Variants in GSE1 observed in about 807,000 individuals in gnomAD.
GSE1 encodes Gse1 coiled-coil protein, also known as genetic suppressor element 1.
In GSE1, 32 loss-of-function variants were observed where a neutral mutation model predicts 112.6. The ratio of observed to expected loss-of-function variants is 0.28; its 90% CI spans 0.21 to 0.38. The LOEUF is 0.38. Ranked by LOEUF, GSE1 falls within the 10% of genes least tolerant of loss-of-function variation. The probability of loss-of-function intolerance (pLI) is 1.00; values close to 1 mark genes in which losing one functional copy is unlikely to be tolerated. For missense variants in GSE1, 2,348 were observed against 1,699.2 expected (o/e 1.38, Z -6.71); for synonymous variants, 1,115 against 735.6 (o/e 1.52, Z -8.35).
chr16:85,667,728 A>T (rs1461247498), intron 13 of GSE1, among the ~76,000 whole-genome samples: 1 of 152,192 alleles, frequency 6.6e-6, no homozygotes, highest in African/African-American at 2.4e-5. Flanking sequence ...GCATGGTGGC[A>T]CATGCGTGTA....
At chr16:85,391,096 C>A (rs150714318) in intron 2 of GSE1, among the ~76,000 whole-genome samples, 2 of 152,312 alleles carry the variant, frequency 1.3e-5, no homozygotes, top group East Asian at 3.9e-4. Flanking sequence ...CGCCCCCCCA[C>A]CGCCCCAGCT....
chr16:85,538,493 C>T (rs1426978573), intron 2 of GSE1, among the ~76,000 whole-genome samples: 1 of 152,218 alleles, frequency 6.6e-6, no homozygotes. Flanking sequence ...CTGGCATGTA[C>T]CGTCTTGTCG....
chr16:85,572,115 A>AC (rs2046010848), intron 1 of GSE1, among the ~76,000 whole-genome samples: 2 of 147,030 alleles, frequency 1.4e-5, no homozygotes, highest in Admixed American at 6.8e-5. Context: ...CACCACACAC[A>AC]ACGCACACAC....
chr16:85,479,893 T>C (rs1273639071), intron 2 of GSE1, among the ~76,000 whole-genome samples: 2 of 152,202 alleles, frequency 1.3e-5, no homozygotes, highest in African/African-American at 4.8e-5. Context: ...CTTATAGTTC[T>C]GCAGCATCGA....
intron 1 of GSE1, among the ~76,000 whole-genome samples, chr16:85,343,382 G>A (rs1360355938): frequency 6.6e-6 from 1 of 152,068 alleles, no homozygotes; most frequent in Non-Finnish European, 1.5e-5. Flanking sequence ...GGTTGCCCTT[G>A]GAGGCTGGGT....
chr16:85,192,001 A>G (rs970913634), intron 1 of GSE1, among the ~76,000 whole-genome samples: 6 of 152,218 alleles, frequency 3.9e-5, no homozygotes, highest in Non-Finnish European at 4.4e-5. Context: ...TCCGAAGTCT[A>G]AGCTATTCAT....
chr16:85,475,551 T>C (rs1249682403), intron 2 of GSE1, among the ~76,000 whole-genome samples: 2 of 152,210 alleles, frequency 1.3e-5, no homozygotes, highest in East Asian at 3.9e-4. Flanking sequence ...CGATGCTGGC[T>C]CCAGCCTTCA....
At chr16:85,457,976 T>C (rs1051979971) in intron 2 of GSE1, among the ~76,000 whole-genome samples, 4 of 152,164 alleles carry the variant, frequency 2.6e-5, no homozygotes, top group Non-Finnish European at 5.9e-5. Context: ...AAGTAGCTAT[T>C]ATTGACCCCA....
intron 1 of GSE1, among the ~76,000 whole-genome samples, chr16:85,193,204 A>T (rs948836088): frequency 5.3e-5 from 8 of 152,188 alleles, no homozygotes; most frequent in African/African-American, 1.9e-4. Context: ...CTATTTCTCC[A>T]TTCATTCAAT....
At chr16:85,229,293 C>G (rs1037440075) in intron 1 of GSE1, among the ~76,000 whole-genome samples, 1 of 152,246 alleles carries the variant, frequency 6.6e-6, no homozygotes, top group African/African-American at 2.4e-5. Flanking sequence ...GGAGCCAGCT[C>G]TGGCCTTGGC....
At chr16:85,437,310 C>T (rs1032444553) in intron 2 of GSE1, among the ~76,000 whole-genome samples, 2 of 152,136 alleles carry the variant, frequency 1.3e-5, no homozygotes, top group Non-Finnish European at 2.9e-5. Context: ...CGAGGAGTGC[C>T]GAGGAGGCCT....
Position 85,466,407 on chromosome 16 carries a change from G to A in GSE1, c.2464+108764G>A, listed in dbSNP as rs567304936. Reference sequence around the variant, plus strand: ...CTGCGGATCCCTGTCATGGCTGCCAGCGCCCGTGGGCCCAGGCCAGGCTCT... The same window carrying A: ...CTGCGGATCCCTGTCATGGCTGCCAACGCCCGTGGGCCCAGGCCAGGCTCT... On this transcript the variant is annotated intron_variant, in intron 2 of 2. Coordinates refer to the GSE1 transcript ENST00000637419. Among the ~76,000 whole-genome samples the A allele has an allele frequency of 1.9e-3, 296 of 152,342 alleles. 3 individuals are homozygous for A. The highest frequency in any genetic ancestry group is 1.2e-3 in the East Asian group (6 of 5,180).
chr16:85,514,793 C>G (rs1299710619), intron 2 of GSE1, among the ~76,000 whole-genome samples: 4 of 152,218 alleles, frequency 2.6e-5, no homozygotes, highest in Non-Finnish European at 5.9e-5. Context: ...GCAGGAGGTT[C>G]CTGAGCCCCC....
At chr16:85,367,844 C>CTTTTTT (rs5818532) in intron 2 of GSE1, among the ~76,000 whole-genome samples, 1 of 115,034 alleles carries the variant, frequency 8.7e-6, no homozygotes. Flanking sequence ...AAATAAGATT[C>CTTTTTT]TTTTTTTTTT....
intron 2 of GSE1, among the ~76,000 whole-genome samples, chr16:85,636,980 A>G (rs945567002): frequency 1.3e-5 from 2 of 152,180 alleles, no homozygotes; most frequent in Non-Finnish European, 1.5e-5. Flanking sequence ...AGCAGGGGGA[A>G]CCTTTGGCGG....
chr16:85,502,767 G>GGACT (rs766084023), intron 2 of GSE1, among the ~76,000 whole-genome samples: 3 of 152,236 alleles, frequency 2.0e-5, no homozygotes, highest in Non-Finnish European at 4.4e-5. Context: ...GAGCCGGGAA[G>GGACT]GACTGCGTTT....
At chr16:85,364,256 G>C (rs979383838) in intron 2 of GSE1, among the ~76,000 whole-genome samples, 2 of 152,080 alleles carry the variant, frequency 1.3e-5, no homozygotes, top group Admixed American at 1.3e-4. Flanking sequence ...CCCTGCTTCC[G>C]GGTGGCACCT....
chr16:85,449,158 T>G (rs2151798331), intron 2 of GSE1, among the ~76,000 whole-genome samples: 2 of 152,314 alleles, frequency 1.3e-5, no homozygotes, highest in Middle Eastern at 3.4e-3. Context: ...AACGGAAGGC[T>G]GTTTTTCCTC....
intron 2 of GSE1, among the ~76,000 whole-genome samples, chr16:85,471,865 C>T (rs1004816756): frequency 2.0e-5 from 3 of 152,212 alleles, no homozygotes; most frequent in Non-Finnish European, 4.4e-5. Flanking sequence ...CACACACTGT[C>T]GTGCCTGGCT....
Sources: gnomAD v4.1 joint callset for allele counts (sites outside exome capture counted in the v4.1 genomes callset) on GRCh38, gnomAD v4.1.1 for gene constraint, MANE v1.5 for transcripts, NCBI Gene and HGNC (gene_info 2026-07-23, HGNC 2026-07-21) for gene names.